FSAF1: variants seen among roughly 807,000 people sequenced by gnomAD.
The protein encoded by FSAF1 is uncharacterized protein C1orf131.
At chr1:231,227,597 T>C in the FSAF1 span, among the ~76,000 whole-genome samples, 1 of 144,932 alleles carries the variant, frequency 6.9e-6, no homozygotes, top group African/African-American at 2.6e-5. Context: ...TTTTTTTTTT[T>C]TTTTTTTTTG....
chr1:231,226,922 T>G, the FSAF1 span: 4 of 1,609,352 alleles, frequency 2.5e-6, no homozygotes, highest in Middle Eastern at 3.3e-4. Context: ...TTCCTTGCTC[T>G]TGCTTTTTTT....
chr1:231,236,105 GT>G, the FSAF1 span, among the ~76,000 whole-genome samples: 1 of 152,166 alleles, frequency 6.6e-6, no homozygotes, highest in Non-Finnish European at 1.5e-5. Flanking sequence ...TGGCTTAGAA[GT>G]TTTTAGAGAA....
At chr1:231,231,907 C>T in the FSAF1 span, among the ~76,000 whole-genome samples, 1 of 152,136 alleles carries the variant, frequency 6.6e-6, no homozygotes, top group Admixed American at 6.5e-5. Flanking sequence ...GTAGCTCTGG[C>T]ACAGACACAG....
At chr1:231,226,763 T>C in the FSAF1 span, 17 of 1,609,376 alleles carry the variant, frequency 1.1e-5, no homozygotes, top group Non-Finnish European at 1.4e-5. Flanking sequence ...CTTCCTTTGC[T>C]GCCTTTTTTT....
At chr1:231,225,229 T>C in the FSAF1 span, 2 of 552,562 alleles carry the variant, frequency 3.6e-6, no homozygotes, top group African/African-American at 3.7e-5. Flanking sequence ...ACTGCAGCTT[T>C]TCCACTAGTC....
the FSAF1 span, chr1:231,239,198 C>A: frequency 6.5e-7 from 1 of 1,533,886 alleles, no homozygotes; most frequent in South Asian, 1.3e-5. Flanking sequence ...CCTGTTTGTT[C>A]AAACACAAGA....
At chr1:231,229,112 G>A in the FSAF1 span, 2 of 1,228,226 alleles carry the variant, frequency 1.6e-6, no homozygotes, top group African/African-American at 1.5e-5. Context: ...TGTAAATAAA[G>A]TTAATTATAA....
At chr1:231,236,982 G>A in the FSAF1 span, 1 of 151,676 alleles carries the variant, frequency 6.6e-6, no homozygotes, top group Non-Finnish European at 1.5e-5. Flanking sequence ...CATGGTTACA[G>A]ATTCACTAAT....
the FSAF1 span, chr1:231,239,259 A>C: frequency 7.5e-7 from 1 of 1,336,792 alleles, no homozygotes; most frequent in Non-Finnish European, 1.0e-6. Context: ...AAATCCTACG[A>C]ATGTATTTGT....
the FSAF1 span, chr1:231,238,768 G>C: frequency 7.8e-7 from 1 of 1,286,814 alleles, no homozygotes; most frequent in Non-Finnish European, 1.1e-6. Context: ...GGATAGTCAG[G>C]CATTCCTGCC....
chr1:231,231,553 G>A, the FSAF1 span, among the ~76,000 whole-genome samples: 1 of 152,162 alleles, frequency 6.6e-6, no homozygotes. Context: ...AGGCTGGAGT[G>A]CAGTGGCGCG....
chr1:231,228,808 GA>G, the FSAF1 span, among the ~76,000 whole-genome samples: 1 of 152,044 alleles, frequency 6.6e-6, no homozygotes, highest in African/African-American at 2.4e-5. Flanking sequence ...CTAACATGGG[GA>G]AACCCCATCT....
the FSAF1 span, chr1:231,226,823 A>G: frequency 6.2e-7 from 1 of 1,604,046 alleles, no homozygotes; most frequent in Admixed American, 1.7e-5. Flanking sequence ...TCTTTTTAGG[A>G]GGCTGTAATG....
At chr1:231,238,857 C>T in the FSAF1 span, 1 of 1,609,686 alleles carries the variant, frequency 6.2e-7, no homozygotes, top group African/African-American at 1.3e-5. Flanking sequence ...AACTCATTAC[C>T]TTTGTGTTCT....
At chr1:231,226,903 C>T in the FSAF1 span, 2 of 1,602,304 alleles carry the variant, frequency 1.2e-6, no homozygotes, top group Admixed American at 3.3e-5. Flanking sequence ...CCCTGACTTG[C>T]TCTTAGCTTT....
the FSAF1 span, among the ~76,000 whole-genome samples, chr1:231,233,840 C>T: frequency 4.5e-4 from 68 of 152,302 alleles, no homozygotes; most frequent in Middle Eastern, 3.4e-3. Context: ...CATGAGTCAC[C>T]GTGCCCAGCC....
At chr1:231,228,598 C>CAAAA in the FSAF1 span, among the ~76,000 whole-genome samples, 8 of 102,896 alleles carry the variant, frequency 7.8e-5, no homozygotes, top group African/African-American at 1.1e-4. Context: ...GACTCTGCCT[C>CAAAA]AAAAAAAAAA....
the FSAF1 span, chr1:231,239,110 G>A: frequency 8.5e-4 from 1,377 of 1,613,012 alleles, 2 homozygotes; most frequent in Admixed American, 1.1e-3. Context: ...TGCCAAGGCC[G>A]CTGAAGCCAT....
the FSAF1 span, among the ~76,000 whole-genome samples, chr1:231,229,383 G>A: frequency 7.7e-4 from 118 of 152,284 alleles, no homozygotes; most frequent in Middle Eastern, 3.4e-3. Context: ...AGAGAAACTG[G>A]AACCCATGCT....
Sources: gnomAD v4.1 joint callset for allele counts (sites outside exome capture counted in the v4.1 genomes callset) on GRCh38, gnomAD v4.1.1 for gene constraint, MANE v1.5 for transcripts, NCBI Gene and HGNC (gene_info 2026-07-23, HGNC 2026-07-21) for gene names.